MICU2: variants seen among roughly 807,000 people sequenced by gnomAD.
MICU2 encodes calcium uptake protein 2, mitochondrial.
A neutral mutation model predicts 60.4 loss-of-function variants in MICU2; 64 were observed. The observed-to-expected ratio is 1.06, with a 90% CI of 0.87 to 1.31. The LOEUF is 1.31. Ranked by LOEUF, MICU2 falls within the 50% of genes most tolerant of loss-of-function variation. MICU2 has a pLI of 0.00. For synonymous variants in MICU2, 201 were observed against 175.0 expected (o/e 1.15, Z -1.17); for missense variants, 569 against 531.0 (o/e 1.07, Z -0.70).
chr13:21,495,486 C>A, intron 10 of MICU2, 168 bp from the exon 11 acceptor site: 1 of 598,038 alleles, frequency 1.7e-6, no homozygotes, highest in East Asian at 2.9e-5. Context: ...CATAAGCCGA[C>A]GAATGTCATG....
chr13:21,493,716 G>A (rs1454357172), intron 11 of MICU2, among the ~76,000 whole-genome samples: 1 of 149,498 alleles, frequency 6.7e-6, no homozygotes, highest in Non-Finnish European at 1.5e-5. Context: ...TTTTTTTCTG[G>A]TGAACTTTGT....
chr13:21,538,515 G>A (rs1301005569), intron 4 of MICU2, among the ~76,000 whole-genome samples: 1 of 140,810 alleles, frequency 7.1e-6, no homozygotes, highest in African/African-American at 2.7e-5. Flanking sequence ...CGGGAGCTAT[G>A]ACTGCGCCAC....
At chr13:21,565,024 T>C (rs573293133) in intron 2 of MICU2, among the ~76,000 whole-genome samples, 41 of 152,312 alleles carry the variant, frequency 2.7e-4, no homozygotes, top group Non-Finnish European at 5.1e-4. Context: ...TTGCCTTCAG[T>C]TTCCAGCTCA....
chr13:21,539,757 A>C, intron 2 of MICU2, 69 bp from the exon 3 acceptor site: 1 of 1,355,156 alleles, frequency 7.4e-7, no homozygotes, highest in Non-Finnish European at 1.0e-6. Flanking sequence ...ACTAAGAAAG[A>C]AAATTATTTA....
chr13:21,569,317 T>C (rs1888054351), intron 1 of MICU2, among the ~76,000 whole-genome samples: 1 of 152,116 alleles, frequency 6.6e-6, no homozygotes. Flanking sequence ...ATAAACCTAT[T>C]CTACTACCCC....
chr13:21,517,542 G>A (rs546911440), intron 6 of MICU2, among the ~76,000 whole-genome samples: 5 of 152,296 alleles, frequency 3.3e-5, no homozygotes, highest in African/African-American at 1.2e-4. Context: ...TTGGGAGGCT[G>A]ACGCGGGTGG....
intron 2 of MICU2, among the ~76,000 whole-genome samples, chr13:21,552,358 A>T (rs1326703869): frequency 6.6e-6 from 1 of 151,782 alleles, no homozygotes; most frequent in Non-Finnish European, 1.5e-5. Context: ...GGTTGCAAAA[A>T]TTTTCTCCCA....
chr13:21,586,205 C>G (rs1394834484), intron 1 of MICU2, among the ~76,000 whole-genome samples: 1 of 152,132 alleles, frequency 6.6e-6, no homozygotes, highest in Non-Finnish European at 1.5e-5. Flanking sequence ...GACTAAGATC[C>G]CTCTGATGAT....
chr13:21,591,930 C>T lies in MICU2; in HGVS notation c.210+12009G>A, dbSNP rs1218464945. 2.0e-5 allele frequency among the ~76,000 whole-genome samples: 3 copies of T among 152,098 alleles called. No homozygotes were observed. The Middle Eastern group carries it at 0.01, about 517-fold the overall frequency. On this transcript the variant is annotated intron_variant, in intron 1 of 11. Transcript: ENST00000382374. The stretch of plus-strand genomic sequence containing the variant: ...AAGCTAGAAAAATCTCAAATCAACA[C>T]CCTAACATCAGAATTAAAAGACCTA...
chr13:21,525,873 G>A (rs529166467), intron 4 of MICU2, among the ~76,000 whole-genome samples: 1 of 151,360 alleles, frequency 6.6e-6, no homozygotes, highest in East Asian at 1.9e-4. Flanking sequence ...TCTCTTGACA[G>A]TGTTCTTTGA....
chr13:21,597,220 C>T (rs1306605539), intron 1 of MICU2, among the ~76,000 whole-genome samples: 1 of 152,188 alleles, frequency 6.6e-6, no homozygotes, highest in Non-Finnish European at 1.5e-5. Flanking sequence ...AATTAATTCA[C>T]CCATTCAATA....
intron 4 of MICU2, among the ~76,000 whole-genome samples, chr13:21,525,181 A>ATTTTTTTTTTTTTTTTTTTTTTTTT (rs71093324): frequency 1.2e-5 from 1 of 83,300 alleles, no homozygotes; most frequent in African/African-American, 5.2e-5. Context: ...GTGTAATTCA[A>ATTTTTTTTTTTTTTTTTTTTTTTTT]TTTTTTTTTT....
intron 2 of MICU2, among the ~76,000 whole-genome samples, chr13:21,542,089 C>T (rs1887296893): frequency 6.6e-6 from 1 of 151,918 alleles, no homozygotes; most frequent in Admixed American, 6.6e-5. Context: ...TTCTCTCCTG[C>T]TTCCTCTTTC....
intron 4 of MICU2, among the ~76,000 whole-genome samples, chr13:21,527,722 T>C (rs181903789): frequency 1.6e-3 from 245 of 152,326 alleles, no homozygotes; most frequent in African/African-American, 5.7e-3. Context: ...AAATAATTTA[T>C]GTTTAAAAGT....
chr13:21,546,735 T>C (rs1487147624), intron 2 of MICU2, among the ~76,000 whole-genome samples: 3 of 152,126 alleles, frequency 2.0e-5, no homozygotes, highest in Non-Finnish European at 4.4e-5. Flanking sequence ...ATAGAGTGTG[T>C]AGGGGAAGGT....
intron 2 of MICU2, among the ~76,000 whole-genome samples, chr13:21,546,476 A>C (rs1426434632): frequency 6.6e-6 from 1 of 152,186 alleles, no homozygotes; most frequent in African/African-American, 2.4e-5. Context: ...TTAAGCTAAG[A>C]TCTTAAGTGT....
chr13:21,545,261 T>TA (rs1566154976), intron 2 of MICU2, among the ~76,000 whole-genome samples: 1 of 152,094 alleles, frequency 6.6e-6, no homozygotes. Flanking sequence ...ATTCAGCCAT[T>TA]AAAAAAATGA....
At chr13:21,564,238 AAGTT>A (rs1283608991) in intron 2 of MICU2, among the ~76,000 whole-genome samples, 2 of 151,834 alleles carry the variant, frequency 1.3e-5, no homozygotes, top group Non-Finnish European at 2.9e-5. Context: ...TTTTTGTTCT[AAGTT>A]AGTCATGATG....
chr13:21,601,977 G>A (rs1045889389), intron 1 of MICU2, among the ~76,000 whole-genome samples: 2 of 151,832 alleles, frequency 1.3e-5, no homozygotes, highest in African/African-American at 2.4e-5. Flanking sequence ...ACGTGGTGGC[G>A]TATGCCTGTA....
Sources: allele counts gnomAD v4.1 joint callset (sites outside exome capture counted in the v4.1 genomes callset), GRCh38; gene constraint gnomAD v4.1.1; transcripts MANE v1.5; gene names NCBI Gene and HGNC (gene_info 2026-07-23, HGNC 2026-07-21).